The following CNKSR3 variants were observed in gnomAD, a reference collection of about 807,000 sequenced individuals.
CNKSR3 encodes the protein CNKSR family member 3, also known as connector enhancer of kinase suppressor of ras 3.
In CNKSR3, 36 loss-of-function variants were observed where a neutral mutation model predicts 67.7. The observed-to-expected ratio is 0.53, with a 90% CI of 0.41 to 0.70. The LOEUF (loss-of-function observed/expected upper bound fraction) is 0.70, where lower values mean the gene tolerates loss of function less well. Among genes scored for constraint, CNKSR3 ranks in the 30% least tolerant of loss-of-function variants. The pLI is 0.00. For missense variants in CNKSR3, 630 were observed against 695.2 expected (o/e 0.91, Z 1.05); for synonymous variants, 281 against 271.4 (o/e 1.04, Z -0.35).
chr6:154,433,714 C>A (rs1045012303), intron 4 of CNKSR3: 12 of 508,158 alleles, frequency 2.4e-5, no homozygotes, highest in East Asian at 1.9e-4. Flanking sequence ...GTCCTGCTCT[C>A]CCCTGACCTA....
In CNKSR3 at chr6:154,387,587, GT is replaced by G. The variant is rs1784563844; in HGVS notation, c.*18766del. 6.6e-6 allele frequency: 1 copy of G among 152,190 alleles called. No individual in the cohort carries two copies. 9.4% of individuals were successfully genotyped at this position (152,190 alleles called of 1,614,324 possible). ...AAGGAATGTTAAGAAAAGCAGGAAT[GT>G]TTATCTAGTTCATGGTCCATGATAA... On this transcript the variant is annotated 3_prime_UTR_variant, in exon 13 of 13. Transcript: ENST00000607772.
At position 154,430,594 on chromosome 6, in the gene CNKSR3, A is replaced by G. The variant is rs1170436101; in HGVS notation, c.550-3T>C. 1.2e-6 allele frequency: 2 copies of G among 1,603,616 alleles called. No homozygotes were observed. Among genetic ancestry groups the G allele is most frequent in the Non-Finnish European group, 1.7e-6 (2 of 1,177,100 alleles). The stretch of plus-strand genomic sequence containing the variant: ...CAGATGCCATTTAAAACCTTGACCT[A>G]GAATTGGAGAAGCAAATAGTCAGGA... On this transcript the variant is annotated splice_polypyrimidine_tract_variant and splice_region_variant and intron_variant, in intron 5 of 12. Coordinates refer to ENST00000607772, the MANE Select transcript of CNKSR3 (RefSeq NM_173515.4).
chr6:154,482,731 T>C (rs1357320868), intron 1 of CNKSR3, among the ~76,000 whole-genome samples: 1 of 152,212 alleles, frequency 6.6e-6, no homozygotes, highest in Admixed American at 6.5e-5. Flanking sequence ...GGGGACTATC[T>C]TTTCCAACCT....
At chr6:154,463,113 C>CT (rs774013751) in intron 1 of CNKSR3, among the ~76,000 whole-genome samples, 5,354 of 139,964 alleles carry the variant, frequency 0.038, 238 homozygotes, top group African/African-American at 0.1. Context: ...TTTTTCTTTC[C>CT]TTTTTTTTTT....
intron 10 of CNKSR3, 38 bp downstream of exon 10, chr6:154,414,261 A>T: frequency 1.3e-6 from 2 of 1,536,542 alleles, no homozygotes; most frequent in Non-Finnish European, 1.7e-6. Context: ...TGACACCAAC[A>T]GGAGACAAGC....
At chr6:154,474,388 G>A (rs1184221561) in intron 1 of CNKSR3, among the ~76,000 whole-genome samples, 5 of 149,074 alleles carry the variant, frequency 3.4e-5, no homozygotes, top group East Asian at 2.0e-4. Flanking sequence ...ACTCCAGCCC[G>A]GGTGACAAAG....
intron 1 of CNKSR3, among the ~76,000 whole-genome samples, chr6:154,505,743 G>A (rs573928321): frequency 1.3e-5 from 2 of 148,464 alleles, no homozygotes; most frequent in Admixed American, 6.6e-5. Flanking sequence ...CTTGTGATCC[G>A]CCCACCTCGG....
At chr6:154,436,524 T>C (rs546945137) in intron 4 of CNKSR3, among the ~76,000 whole-genome samples, 2 of 152,294 alleles carry the variant, frequency 1.3e-5, no homozygotes, top group South Asian at 4.1e-4. Context: ...TAATTCTTTT[T>C]TTTGTTGTTG....
chr6:154,506,787 G>A (rs1414678221), intron 1 of CNKSR3, among the ~76,000 whole-genome samples: 1 of 152,242 alleles, frequency 6.6e-6, no homozygotes, highest in African/African-American at 2.4e-5. Flanking sequence ...AAGGCGCCAT[G>A]AACTAGGAAT....
intron 1 of CNKSR3, among the ~76,000 whole-genome samples, chr6:154,498,854 C>G (rs1193493054): frequency 6.6e-6 from 1 of 152,170 alleles, no homozygotes; most frequent in Non-Finnish European, 1.5e-5. Flanking sequence ...TTTTTCTTTC[C>G]CTCACTTCTC....
At chr6:154,470,475 A>C (rs1282315705) in intron 1 of CNKSR3, among the ~76,000 whole-genome samples, 2 of 152,056 alleles carry the variant, frequency 1.3e-5, no homozygotes, top group Admixed American at 1.3e-4. Flanking sequence ...CTGAGAACGA[A>C]TGTACTTTCT....
chr6:154,441,954 G>A (rs189400508), intron 3 of CNKSR3, 134 bp downstream of exon 3: 20 of 746,350 alleles, frequency 2.7e-5, no homozygotes, highest in Non-Finnish European at 3.5e-5. Flanking sequence ...ACCACTGATC[G>A]AGGACTCCTT....
intron 4 of CNKSR3, chr6:154,433,929 G>T (rs1584078789): frequency 6.4e-6 from 1 of 157,468 alleles, no homozygotes; most frequent in Admixed American, 6.5e-5. Flanking sequence ...TTAGCTCTGG[G>T]CCTGCCTATA....
intron 1 of CNKSR3, among the ~76,000 whole-genome samples, chr6:154,482,749 G>A (rs946236): frequency 0.18 from 28,062 of 152,130 alleles, 3,042 homozygotes; most frequent in East Asian, 0.37. Context: ...CCTATCTAGA[G>A]TTCTGTTGTT....
chr6:154,501,933 C>T lies in CNKSR3; in HGVS notation c.52+8130G>A, dbSNP rs147396817. ...AGACGGACTTGATTTAACTTACCTC[C>T]TGTATAACAACAAAAGGGTGAATGG... On this transcript the variant is annotated intron_variant, in intron 1 of 12. Transcript: ENST00000607772. Among the ~76,000 whole-genome samples the T allele has an allele frequency of 9.9e-5, 15 of 152,238 alleles. No individual in the cohort carries two copies. The East Asian group carries it at 2.9e-3, about 29-fold the overall frequency.
At chr6:154,501,263 A>G (rs545838962) in intron 1 of CNKSR3, among the ~76,000 whole-genome samples, 1 of 152,206 alleles carries the variant, frequency 6.6e-6, no homozygotes, top group Non-Finnish European at 1.5e-5. Flanking sequence ...CCTCCAGAAT[A>G]CTGCAATGCC....
At chr6:154,406,754 G>C in intron 12 of CNKSR3, 102 bp from the exon 13 acceptor site, 2 of 995,032 alleles carry the variant, frequency 2.0e-6, no homozygotes, top group Non-Finnish European at 1.5e-6. Flanking sequence ...TGGATCACGA[G>C]GTCAAGAGAT....
chr6:154,389,301 T>C lies in CNKSR3; in HGVS notation c.*17053A>G, dbSNP rs1419655368. On this transcript the variant is annotated 3_prime_UTR_variant, in exon 13 of 13. Transcript: ENST00000607772. ...AGATAAAAGTCCAGTTTCCCCCTTT[T>C]GCACATGGATATCTGATTTTCTCAA... The C allele has an allele frequency of 1.3e-5, 2 of 152,268 alleles. No individual in the cohort carries two copies. Among genetic ancestry groups the C allele is most frequent in the African/African-American group, 4.8e-5 (2 of 41,460 alleles). The allele number at this position is 152,268 out of a possible 1,614,324, so 9.4% of individuals were successfully genotyped here.
chr6:154,505,370 G>A (rs1409109666), intron 1 of CNKSR3, among the ~76,000 whole-genome samples: 3 of 151,612 alleles, frequency 2.0e-5, no homozygotes, highest in Non-Finnish European at 2.9e-5. Context: ...TTTTCTCTTG[G>A]TTGGTGATGG....
Sources: allele counts gnomAD v4.1 joint callset (sites outside exome capture counted in the v4.1 genomes callset), GRCh38; gene constraint gnomAD v4.1.1; transcripts MANE v1.5; gene names NCBI Gene and HGNC (gene_info 2026-07-23, HGNC 2026-07-21).